Variants in PLAAT1 observed in about 807,000 individuals in gnomAD.
The protein encoded by PLAAT1 is H-REV107 protein-related protein.
In PLAAT1, 13 loss-of-function variants were observed where a neutral mutation model predicts 16.4. That is an observed-to-expected ratio of 0.79 (90% confidence interval 0.52 to 1.26). The LOEUF is 1.26. Among genes scored for constraint, PLAAT1 ranks in the 50% most tolerant of loss-of-function variants. The probability of loss-of-function intolerance (pLI) is 0.00; values close to 1 mark genes in which losing one functional copy is unlikely to be tolerated. For synonymous variants in PLAAT1, 73 were observed against 78.4 expected (o/e 0.93, Z 0.36); for missense variants, 218 against 207.8 (o/e 1.05, Z -0.30).
At chr3:193,278,581 G>C (rs1560109922), downstream of PLAAT1, among the ~76,000 whole-genome samples, 1 of 152,170 alleles carries the variant, frequency 6.6e-6, no homozygotes, top group Non-Finnish European at 1.5e-5. Flanking sequence ...GTCTTAGGCT[G>C]TTCTTATTGG....
downstream of PLAAT1, among the ~76,000 whole-genome samples, chr3:193,272,513 G>A (rs1007786818): frequency 1.3e-5 from 2 of 152,176 alleles, no homozygotes; most frequent in East Asian, 1.9e-4. Flanking sequence ...GAGCCTGGCA[G>A]TAGCATAATG....
chr3:193,270,600 A>T lies in PLAAT1; in HGVS notation c.406-4A>T, dbSNP rs771281778. On this transcript the variant is annotated splice_region_variant and splice_polypyrimidine_tract_variant and intron_variant, in intron 3 of 3. Coordinates refer to ENST00000264735, the MANE Select transcript of PLAAT1 (RefSeq NM_020386.5). ...TTTTTTGTTTACTTCTTGTTTCCTT[A>T]TAGGCCAACCGAGCGATAAGTACCG... 8 of 1,611,600 alleles carry T rather than the reference A, an allele frequency of 5.0e-6. No individual in the cohort carries two copies. Among genetic ancestry groups the T allele is most frequent in the South Asian group, 1.1e-5 (1 of 90,740 alleles).
At chr3:193,247,462 T>A (rs1716022674) in intron 1 of PLAAT1, among the ~76,000 whole-genome samples, 1 of 152,172 alleles carries the variant, frequency 6.6e-6, no homozygotes, top group Admixed American at 6.5e-5. Context: ...GAGGGGGCAA[T>A]GACTAACCTG....
chr3:193,262,127 A>G (rs375860966), intron 2 of PLAAT1, among the ~76,000 whole-genome samples: 2 of 152,140 alleles, frequency 1.3e-5, no homozygotes, highest in East Asian at 1.9e-4. Context: ...TTAGACCTGT[A>G]CCCTGAGGAA....
downstream of PLAAT1, among the ~76,000 whole-genome samples, chr3:193,272,569 G>A (rs1200582626): frequency 1.3e-5 from 2 of 152,140 alleles, no homozygotes; most frequent in Non-Finnish European, 2.9e-5. Context: ...ATGCCTACAC[G>A]GGGCAAATCT....
chr3:193,259,695 A>G (rs1365520828), intron 2 of PLAAT1, among the ~76,000 whole-genome samples: 1 of 152,226 alleles, frequency 6.6e-6, no homozygotes, highest in African/African-American at 2.4e-5. Flanking sequence ...TACAAGGAGA[A>G]CTATAAAACA....
At chr3:193,252,107 T>G (rs888304779) in intron 1 of PLAAT1, among the ~76,000 whole-genome samples, 1 of 152,170 alleles carries the variant, frequency 6.6e-6, no homozygotes, top group African/African-American at 2.4e-5. Flanking sequence ...TGGTATCTGC[T>G]TCTGGTGAGG....
At chr3:193,256,294 T>A (rs1209436421) in intron 2 of PLAAT1, among the ~76,000 whole-genome samples, 1 of 152,056 alleles carries the variant, frequency 6.6e-6, no homozygotes, top group African/African-American at 2.4e-5. Flanking sequence ...GAAGGTAGGA[T>A]GAGAAGTGCT....
At chr3:193,253,628 G>A (rs760973804) in intron 1 of PLAAT1, among the ~76,000 whole-genome samples, 2 of 152,038 alleles carry the variant, frequency 1.3e-5, no homozygotes, top group Non-Finnish European at 2.9e-5. Context: ...TCAACATGAG[G>A]AAACAGACTA....
upstream of PLAAT1, chr3:193,241,118 CGGCGGGCGGGCGGGCG>C (rs3048407): frequency 2.5e-4 from 213 of 852,670 alleles, 2 homozygotes; most frequent in Middle Eastern, 4.2e-4. Context: ...TGCAGTTCCC[CGGCGGGCGGGCGGGCG>C]GGCGGGCGAA....
chr3:193,241,493 T>G lies in PLAAT1; in HGVS notation c.-41T>G, dbSNP rs1364288905. 1 of 1,231,774 alleles carries G rather than the reference T, an allele frequency of 8.1e-7. No homozygotes were observed. Among genetic ancestry groups the G allele is most frequent in the Non-Finnish European group, 1.0e-6 (1 of 988,162 alleles). The allele number at this position is 1,231,774 out of a possible 1,614,324, so 76.3% of individuals were successfully genotyped here. ...AGAGAGACCCCAGGACACACACAGC[T>G]GCCTCCCGGTGCGAGAAGAAGACCC... On this transcript the variant is annotated 5_prime_UTR_variant, in exon 1 of 4. Transcript: ENST00000264735.
upstream of PLAAT1, among the ~76,000 whole-genome samples, chr3:193,240,654 C>CGTGTGTGTGTGTGTGTGTGTGTGTGTGT (rs370008875): frequency 5.6e-5 from 5 of 88,502 alleles, no homozygotes; most frequent in East Asian, 3.7e-4. Flanking sequence ...GGCTATCTGG[C>CGTGTGTGTGTGTGTGTGTGTGTGTGTGT]GTGTGTGTGT....
Position 193,250,903 on chromosome 3 carries a change from A to G in PLAAT1, c.1-4748A>G, listed in dbSNP as rs12637398. Reference sequence around the variant, plus strand: ...GTTTATTTCCAGGGCAAGTCAAGGGAAAAGGTTTGGGAGTGCCATCCCTCC... The same window carrying G: ...GTTTATTTCCAGGGCAAGTCAAGGGGAAAGGTTTGGGAGTGCCATCCCTCC... On this transcript the variant is annotated intron_variant, in intron 1 of 3. Coordinates refer to ENST00000264735, the MANE Select transcript of PLAAT1 (RefSeq NM_020386.5). Among the ~76,000 whole-genome samples the G allele has an allele frequency of 6.5e-3, 908 of 139,996 alleles. 28 individuals carry two copies. The East Asian group carries it at 0.1, about 16-fold the overall frequency. The allele number at this position is 139,996 out of a possible 152,430, so 91.8% of individuals were successfully genotyped here.
chr3:193,240,654 CGTGTGT>C (rs370008875), upstream of PLAAT1, among the ~76,000 whole-genome samples: 361 of 88,560 alleles, frequency 4.1e-3, 5 homozygotes, highest in African/African-American at 0.016. Context: ...GGCTATCTGG[CGTGTGT>C]GTGTGTGTGT....
chr3:193,262,778 T>TATAGTG (rs1287153583), intron 2 of PLAAT1, among the ~76,000 whole-genome samples, 192 bp from the exon 3 acceptor site: 2 of 152,212 alleles, frequency 1.3e-5, no homozygotes, highest in African/African-American at 4.8e-5. Context: ...TTCTCACTCA[T>TATAGTG]ACAATAGTAA....
chr3:193,261,070 A>G (rs974645653), intron 2 of PLAAT1, among the ~76,000 whole-genome samples: 1 of 152,184 alleles, frequency 6.6e-6, no homozygotes, highest in African/African-American at 2.4e-5. Flanking sequence ...TTAATTTATT[A>G]ACAAAAAGTG....
intron 2 of PLAAT1, chr3:193,276,877 T>A: frequency 7.7e-7 from 1 of 1,299,398 alleles, no homozygotes; most frequent in Non-Finnish European, 1.1e-6. Context: ...ACTTCACACT[T>A]TGAAAAAAGA....
At chr3:193,253,796 T>C (rs189651424) in intron 1 of PLAAT1, among the ~76,000 whole-genome samples, 1 of 152,332 alleles carries the variant, frequency 6.6e-6, no homozygotes, top group Admixed American at 6.5e-5. Flanking sequence ...TTTGCTACTT[T>C]AGCTTTTTAT....
intron 2 of PLAAT1, among the ~76,000 whole-genome samples, chr3:193,259,394 AAGAAAT>A (rs1257786716): frequency 6.6e-6 from 1 of 152,150 alleles, no homozygotes; most frequent in African/African-American, 2.4e-5. Flanking sequence ...AGGCAAGAGA[AAGAAAT>A]AAAAGGCATC....
Sources: gnomAD v4.1 joint callset for allele counts (sites outside exome capture counted in the v4.1 genomes callset) on GRCh38, gnomAD v4.1.1 for gene constraint, MANE v1.5 for transcripts, NCBI Gene and HGNC (gene_info 2026-07-23, HGNC 2026-07-21) for gene names.